ZNF329: variants seen among roughly 807,000 people sequenced by gnomAD.
ZNF329 encodes zinc finger protein 329.
ZNF329 carries 15 observed loss-of-function variants against 26.6 expected under a neutral mutation model. The ratio of observed to expected loss-of-function variants is 0.56; its 90% confidence interval spans 0.38 to 0.87. The LOEUF (loss-of-function observed/expected upper bound fraction) is 0.87. ZNF329 is among the 40% of genes least tolerant of loss of function. ZNF329 has a pLI of 0.00. For missense variants in ZNF329, 651 were observed against 651.9 expected, an observed-to-expected ratio of 1.00 and a Z score of 0.02; for synonymous variants, 239 against 233.5, an observed-to-expected ratio of 1.02 and a Z score of -0.21.
chr19:58,128,896 T>A lies in ZNF329; in HGVS notation c.608A>T (p.Tyr203Phe), dbSNP rs574539614. 111 of 1,614,150 alleles carry A rather than the reference T, an allele frequency of 6.9e-5. 2 individuals carry two copies. The South Asian group carries it at 1.1e-3, about 16-fold the overall frequency. Reference sequence around the variant, plus strand: ...GCATTTGCCACATTCAGTACATCTATATTGTTTCTCTCCAGGGAGATTTCT... The same window carrying A: ...GCATTTGCCACATTCAGTACATCTAAATTGTTTCTCTCCAGGGAGATTTCT... ...NQRNLPGEKQYRCTECGKCFK... is the reference protein window; with the variant it reads ...NQRNLPGEKQFRCTECGKCFK... The change falls in exon 4 of 4, where the codon TAT becomes TTT. Residue 203 changes from tyrosine to phenylalanine, a missense_variant. Physicochemically the swap from Tyr to Phe is conservative, Grantham distance 22 (BLOSUM62 3). Transcript: ENST00000598312.
At chr19:58,147,947 T>C (rs1477202736) in intron 1 of ZNF329, among the ~76,000 whole-genome samples, 2 of 151,928 alleles carry the variant, frequency 1.3e-5, no homozygotes. Context: ...TTTTGTGGAA[T>C]AGAAAGGGGG....
At chr19:58,147,056 G>A (rs1462029649) in intron 1 of ZNF329, among the ~76,000 whole-genome samples, 1 of 151,374 alleles carries the variant, frequency 6.6e-6, no homozygotes, top group Non-Finnish European at 1.5e-5. Flanking sequence ...TGCCCAGTCT[G>A]GAAAGTGAGG....
chr19:58,132,022 C>CAAA (rs11317433), intron 3 of ZNF329, among the ~76,000 whole-genome samples: 1 of 98,986 alleles, frequency 1.0e-5, no homozygotes, highest in Non-Finnish European at 2.1e-5. Context: ...GACTCTGCCT[C>CAAA]AAAAAAAAAA....
chr19:58,150,281 G>A (rs1226614510), intron 1 of ZNF329, among the ~76,000 whole-genome samples: 2 of 152,214 alleles, frequency 1.3e-5, no homozygotes, highest in Non-Finnish European at 2.9e-5. Flanking sequence ...AGGGGAAGCG[G>A]CTCAGCCCAC....
intron 1 of ZNF329, among the ~76,000 whole-genome samples, chr19:58,147,258 G>A (rs1486110914): frequency 6.6e-6 from 1 of 151,022 alleles, no homozygotes; most frequent in Admixed American, 6.6e-5. Flanking sequence ...TGAGAAGTGA[G>A]GAGACCCTCC....
chr19:58,134,107 C>T (rs1218944609), intron 3 of ZNF329, among the ~76,000 whole-genome samples: 1 of 152,184 alleles, frequency 6.6e-6, no homozygotes, highest in Non-Finnish European at 1.5e-5. Flanking sequence ...GATGTTTCTA[C>T]TTCCAGAAGA....
chr19:58,138,651 G>C (rs898410173), intron 3 of ZNF329, among the ~76,000 whole-genome samples: 1 of 152,184 alleles, frequency 6.6e-6, no homozygotes, highest in Non-Finnish European at 1.5e-5. Flanking sequence ...CAAGGGACTT[G>C]AAAGCACCTC....
intron 3 of ZNF329, among the ~76,000 whole-genome samples, chr19:58,130,830 G>T (rs2146065828): frequency 6.6e-6 from 1 of 152,216 alleles, no homozygotes; most frequent in African/African-American, 2.4e-5. Flanking sequence ...AAGACAACTG[G>T]TTGTCCATTC....
At chr19:58,151,943 T>C (rs751319170), upstream of ZNF329, among the ~76,000 whole-genome samples, 5 of 152,190 alleles carry the variant, frequency 3.3e-5, no homozygotes, top group Non-Finnish European at 5.9e-5. Flanking sequence ...CGATGATACA[T>C]GGGTGTCATC....
chr19:58,146,759 G>C (rs1474059704), intron 1 of ZNF329, among the ~76,000 whole-genome samples: 4 of 152,080 alleles, frequency 2.6e-5, no homozygotes, highest in Non-Finnish European at 5.9e-5. Flanking sequence ...CGCTGTGTTG[G>C]CCAGGCTGGT....
At chr19:58,140,698 A>AG (rs1470875502) in intron 3 of ZNF329, among the ~76,000 whole-genome samples, 3 of 151,644 alleles carry the variant, frequency 2.0e-5, no homozygotes, top group African/African-American at 7.3e-5. Context: ...TACAGGCGTG[A>AG]CCACCGCGCC....
Position 58,128,192 on chromosome 19 carries a change from TC to T in ZNF329, c.1311del (p.Asn438IlefsTer33). 6.3e-7 allele frequency: 1 copy of T among 1,586,288 alleles called. No homozygotes were observed. The highest frequency in any genetic ancestry group is 8.6e-7 in the Non-Finnish European group (1 of 1,167,338). ...YGCNQCQKLFRNIAGLIRHQR... is the reference protein window; with the variant it reads ...YGCNQCQKLFXNIAGLIRHQR... The stretch of plus-strand genomic sequence containing the variant: ...TGGTGCCTAATGAGGCCAGCGATAT[TC>T]CTGAAAAGTTTCTGACACTGGTTGC... On this transcript the variant is annotated frameshift_variant, in exon 4 of 4. Coordinates refer to ENST00000598312, the MANE Select transcript of ZNF329 (RefSeq NM_024620.4). LOFTEE classifies it high-confidence loss of function.
chr19:58,147,128 A>G (rs2075332260), intron 1 of ZNF329, among the ~76,000 whole-genome samples: 1 of 125,782 alleles, frequency 8.0e-6, no homozygotes, highest in African/African-American at 3.2e-5. Context: ...CCGGCCGCCC[A>G]TCGTCTGAGA....
chr19:58,137,071 A>G, intron 3 of ZNF329: 1 of 163,076 alleles, frequency 6.1e-6, no homozygotes, highest in South Asian at 1.7e-4. Context: ...AAAAAAAAAA[A>G]AAACAGTTTA....
chr19:58,149,014 A>G (rs1205407974), intron 1 of ZNF329, among the ~76,000 whole-genome samples: 5 of 152,230 alleles, frequency 3.3e-5, no homozygotes, highest in African/African-American at 4.8e-5. Flanking sequence ...GTCATAGGAT[A>G]ACACAGGAGA....
intron 3 of ZNF329, chr19:58,132,823 T>A (rs1230124786): frequency 6.6e-6 from 1 of 151,890 alleles, no homozygotes; most frequent in Admixed American, 6.6e-5. Flanking sequence ...TCTTTTTTCT[T>A]TTTTTTTGAG....
intron 3 of ZNF329, among the ~76,000 whole-genome samples, chr19:58,134,309 AAAAC>A (rs2075017284): frequency 6.6e-6 from 1 of 152,228 alleles, no homozygotes; most frequent in African/African-American, 2.4e-5. Flanking sequence ...ATTAAAAACA[AAAAC>A]AAACAGACAA....
In ZNF329 at chr19:58,131,814, G is replaced by A. The variant is rs545322135; in HGVS notation, c.-8-2303C>T. Among the ~76,000 whole-genome samples, 149 of 152,088 alleles carry A rather than the reference G, an allele frequency of 9.8e-4. 3 individuals carry two copies. In the South Asian group the frequency reaches 0.027, roughly 27 times the overall value. On this transcript the variant is annotated intron_variant, in intron 3 of 3. Coordinates refer to ENST00000598312, the MANE Select transcript of ZNF329 (RefSeq NM_024620.4). ...TGAGGCAGGTGGACCACAAGGTCAG[G>A]AGATCGAGACCATCCTGGCTGACAC...
chr19:58,151,472 G>A (rs145735486), upstream of ZNF329, among the ~76,000 whole-genome samples: 836 of 151,962 alleles, frequency 5.5e-3, 6 homozygotes, highest in Non-Finnish European at 8.9e-3. Flanking sequence ...GTGGTGGCAG[G>A]CGCCTGTAAT....
Sources: gnomAD v4.1 joint callset for allele counts (sites outside exome capture counted in the v4.1 genomes callset) on GRCh38, gnomAD v4.1.1 for gene constraint, MANE v1.5 for transcripts, NCBI Gene and HGNC (gene_info 2026-07-23, HGNC 2026-07-21) for gene names.